Variants in CAPRIN2 observed in about 807,000 individuals in gnomAD.
CAPRIN2 encodes caprin family member 2.
In CAPRIN2, 66 loss-of-function variants were observed where a neutral mutation model predicts 130.4. The observed-to-expected ratio is 0.51, with a 90% CI of 0.42 to 0.62. The LOEUF (loss-of-function observed/expected upper bound fraction) is 0.62, where lower values mean the gene tolerates loss of function less well. Ranked by LOEUF, CAPRIN2 falls within the 20% of genes least tolerant of loss-of-function variation. The probability of loss-of-function intolerance (pLI) is 0.00; values close to 1 mark genes in which losing one functional copy is unlikely to be tolerated. For missense variants in CAPRIN2, 1,185 were observed against 1,246.6 expected (o/e 0.95, Z 0.74); for synonymous variants, 471 against 444.1 (o/e 1.06, Z -0.76).
At chr12:30,743,642 C>G (rs946767856) in intron 2 of CAPRIN2, among the ~76,000 whole-genome samples, 3 of 152,126 alleles carry the variant, frequency 2.0e-5, no homozygotes, top group African/African-American at 7.2e-5. Flanking sequence ...CTTTTAGCAC[C>G]TGTAAAATAG....
In CAPRIN2 at chr12:30,731,338, C is replaced by T; in HGVS notation, c.1060+5G>A. The T allele has an allele frequency of 6.2e-7, 1 of 1,610,590 alleles. No individual in the cohort carries two copies. Among genetic ancestry groups the T allele is most frequent in the Non-Finnish European group, 8.5e-7 (1 of 1,177,976 alleles). On this transcript the variant is annotated splice_donor_5th_base_variant and intron_variant, in intron 6 of 16. Transcript: ENST00000298892. ...CTATAAGGATTTTCAGAGGTCACAA[C>T]AAACCTGACTCTTTGACAGATTCAG...
At chr12:30,721,500 T>C (rs1397458029) in intron 11 of CAPRIN2, among the ~76,000 whole-genome samples, 2 of 152,002 alleles carry the variant, frequency 1.3e-5, no homozygotes, top group Non-Finnish European at 2.9e-5. Context: ...AAAATAAAAA[T>C]TGGGAGAAAG....
At chr12:30,717,717 T>C (rs748825317) in intron 12 of CAPRIN2, among the ~76,000 whole-genome samples, 15 of 152,062 alleles carry the variant, frequency 9.9e-5, no homozygotes, top group Non-Finnish European at 1.9e-4. Flanking sequence ...TATACAAGGG[T>C]AAGGGGTCTT....
chr12:30,715,698 A>T (rs547521464), intron 13 of CAPRIN2: 2 of 216,464 alleles, frequency 9.2e-6, no homozygotes, highest in East Asian at 1.5e-4. Flanking sequence ...GACAATTTTT[A>T]AAAAGCAGGC....
chr12:30,747,496 G>T (rs758259149), intron 2 of CAPRIN2, among the ~76,000 whole-genome samples: 3 of 152,046 alleles, frequency 2.0e-5, no homozygotes, highest in Non-Finnish European at 4.4e-5. Flanking sequence ...TGACCAACAC[G>T]GAGAAACCCC....
At chr12:30,729,094 T>C in exon 8 of CAPRIN2, 1 of 1,614,140 alleles carries the variant, frequency 6.2e-7, no homozygotes, top group Non-Finnish European at 8.5e-7. Flanking sequence ...AGTTTTGAGG[T>C]GTCTTGTTTC....
chr12:30,729,872 A>G (rs2062039453), intron 7 of CAPRIN2, among the ~76,000 whole-genome samples: 1 of 152,022 alleles, frequency 6.6e-6, no homozygotes, highest in African/African-American at 2.4e-5. Context: ...TCTGCTACCA[A>G]TGTGAGTAAA....
chr12:30,750,304 CAT>C (rs978106115), intron 2 of CAPRIN2, among the ~76,000 whole-genome samples: 3 of 152,240 alleles, frequency 2.0e-5, no homozygotes, highest in African/African-American at 7.2e-5. Context: ...AGTTGAAAAA[CAT>C]AAAGACAAAA....
At chr12:30,727,249 A>G (rs112795273) in intron 8 of CAPRIN2, among the ~76,000 whole-genome samples, 4 of 152,306 alleles carry the variant, frequency 2.6e-5, no homozygotes, top group African/African-American at 9.6e-5. Context: ...TGGTTAATAA[A>G]ATAAAGCTGA....
At chr12:30,744,839 A>G (rs545847313) in intron 2 of CAPRIN2, among the ~76,000 whole-genome samples, 7 of 152,350 alleles carry the variant, frequency 4.6e-5, no homozygotes, top group African/African-American at 1.2e-4. Flanking sequence ...GATACTTAAT[A>G]TATCTTGTTG....
chr12:30,753,643 T>C, exon 1 of CAPRIN2: 1 of 1,614,068 alleles, frequency 6.2e-7, no homozygotes, highest in Non-Finnish European at 8.5e-7. Context: ...AGTATAAAAT[T>C]AGGACTAGAG....
intron 3 of CAPRIN2, among the ~76,000 whole-genome samples, chr12:30,737,221 C>T (rs151160770): frequency 0.01 from 1,554 of 151,684 alleles, 34 homozygotes; most frequent in East Asian, 0.092. Flanking sequence ...CCAGGCTGGT[C>T]TTGAACTCCT....
At chr12:30,734,747 T>C (rs1255783047) in intron 4 of CAPRIN2, among the ~76,000 whole-genome samples, 5 of 151,994 alleles carry the variant, frequency 3.3e-5, no homozygotes, top group Admixed American at 2.0e-4. Flanking sequence ...TCACATTCAC[T>C]TTCCTTCCAG....
chr12:30,726,861 G>T (rs2061094430), intron 8 of CAPRIN2, among the ~76,000 whole-genome samples: 1 of 152,070 alleles, frequency 6.6e-6, no homozygotes, highest in Non-Finnish European at 1.5e-5. Context: ...TAGTCTTTTG[G>T]CTTTGAACTC....
intron 3 of CAPRIN2, among the ~76,000 whole-genome samples, chr12:30,735,711 C>G (rs969333592): frequency 2.6e-5 from 4 of 152,040 alleles, no homozygotes; most frequent in Admixed American, 6.6e-5. Context: ...AAAAACCAGC[C>G]ACAGCAAACA....
Position 30,726,092 on chromosome 12 carries a change from C to A in CAPRIN2, c.1783-4G>T. ...GCTGATGCACAGGCTTAGGCACCTA[C>A]AAGATAAACCCATAATGTGTAAGAG... On this transcript the variant is annotated splice_region_variant and splice_polypyrimidine_tract_variant and intron_variant, in intron 8 of 16. Coordinates refer to ENST00000298892, the Ensembl canonical transcript of CAPRIN2. 1 of 1,509,142 alleles carries A rather than the reference C, an allele frequency of 6.6e-7. No homozygotes were observed. Among genetic ancestry groups the A allele is most frequent in the Admixed American group, 2.1e-5 (1 of 46,896 alleles). The allele number at this position is 1,509,142 out of a possible 1,614,324, so 93.5% of individuals were successfully genotyped here.
At chr12:30,712,733 CTTTTTTTTT>C (rs754373140) in intron 15 of CAPRIN2, among the ~76,000 whole-genome samples, 36,839 of 108,490 alleles carry the variant, frequency 0.34, 4,934 homozygotes, top group Middle Eastern at 0.46. Flanking sequence ...GTTTTCCACT[CTTTTTTTTT>C]TTTTTTTTTT....
intron 11 of CAPRIN2, among the ~76,000 whole-genome samples, chr12:30,722,135 G>C (rs1565583038): frequency 1.3e-5 from 2 of 152,122 alleles, no homozygotes; most frequent in Non-Finnish European, 2.9e-5. Flanking sequence ...TCAGTTAAAA[G>C]GTTCATTTAA....
intron 6 of CAPRIN2, 49 bp downstream of exon 7, chr12:30,731,294 G>A (rs1376065605): frequency 6.8e-7 from 1 of 1,462,698 alleles, no homozygotes; most frequent in Non-Finnish European, 9.5e-7. Flanking sequence ...CTCATTTGGG[G>A]TATTAAAAAA....
Sources: allele counts gnomAD v4.1 joint callset (sites outside exome capture counted in the v4.1 genomes callset), GRCh38; gene constraint gnomAD v4.1.1; transcripts MANE v1.5; gene names NCBI Gene and HGNC (gene_info 2026-07-23, HGNC 2026-07-21).